NT5DC3: variants seen among roughly 807,000 people sequenced by gnomAD.
The protein encoded by NT5DC3 is 5'-nucleotidase domain-containing protein 3.
In NT5DC3, 42 loss-of-function variants were observed where a neutral mutation model predicts 67.8. The ratio of observed to expected loss-of-function variants is 0.62; its 90% CI spans 0.48 to 0.80. NT5DC3 has a LOEUF of 0.80. NT5DC3 is among the 30% of genes least tolerant of loss of function. The pLI is 0.00. For missense variants in NT5DC3, 570 were observed against 696.4 expected, an observed-to-expected ratio of 0.82 and a Z score of 2.04; for synonymous variants, 237 against 255.6, an observed-to-expected ratio of 0.93 and a Z score of 0.69.
chr12:103,748,600 A>C, the NT5DC3 span, among the ~76,000 whole-genome samples: 1 of 30,498 alleles, frequency 3.3e-5, no homozygotes, highest in African/African-American at 1.5e-4. Flanking sequence ...ACACACACAC[A>C]CACATACACA....
chr12:103,750,413 C>G, the NT5DC3 span, among the ~76,000 whole-genome samples: 3 of 152,192 alleles, frequency 2.0e-5, no homozygotes, highest in Admixed American at 6.5e-5. Flanking sequence ...TCATCATAAG[C>G]CTGCATAAAA....
chr12:103,778,472 A>G (rs1176731025), intron 13 of NT5DC3, among the ~76,000 whole-genome samples: 1 of 152,348 alleles, frequency 6.6e-6, no homozygotes, highest in East Asian at 1.9e-4. Flanking sequence ...CAGAGGGTGC[A>G]GTAAGCAGAG....
the NT5DC3 span, chr12:103,761,449 C>T: frequency 5.7e-6 from 9 of 1,567,588 alleles, no homozygotes; most frequent in Non-Finnish European, 7.9e-6. Context: ...CCAGGAGGAG[C>T]CCCGGTGCCC....
chr12:103,764,079 G>A, the NT5DC3 span, among the ~76,000 whole-genome samples: 791 of 151,710 alleles, frequency 5.2e-3, 9 homozygotes, highest in African/African-American at 0.018. Context: ...TCTGCCTCCC[G>A]AGTAGCTGGG....
chr12:103,799,015 G>T (rs11111790), intron 4 of NT5DC3, among the ~76,000 whole-genome samples: 21,384 of 152,102 alleles, frequency 0.14, 1,726 homozygotes, highest in Middle Eastern at 0.29. Context: ...TGAGGTAACT[G>T]AAGCAAAGAA....
intron 1 of NT5DC3, among the ~76,000 whole-genome samples, chr12:103,837,887 A>T (rs1309199082): frequency 6.6e-6 from 1 of 152,164 alleles, no homozygotes; most frequent in Non-Finnish European, 1.5e-5. Flanking sequence ...AGTCGCTTCC[A>T]CATTTTCAGG....
rs191346170 is a variant in NT5DC3, at chr12:103,819,128, G to C, written c.209-4007C>G. 1.4e-3 allele frequency among the ~76,000 whole-genome samples: 206 copies of C among 152,280 alleles called. 1 individual carries two copies. Among genetic ancestry groups the C allele is most frequent in the South Asian group, 0.011 (54 of 4,828 alleles). On this transcript the variant is annotated intron_variant, in intron 1 of 13. Transcript: ENST00000392876. Reference sequence around the variant, plus strand: ...GTGACTGGTCAGCACATCTCCAAAAGCTGCATGGGAATTCCCCTGTGGGAG... The same window carrying C: ...GTGACTGGTCAGCACATCTCCAAAACCTGCATGGGAATTCCCCTGTGGGAG...
the NT5DC3 span, chr12:103,763,504 A>G: frequency 2.5e-6 from 4 of 1,613,996 alleles, no homozygotes; most frequent in African/African-American, 1.3e-5. Context: ...GGAAGAGGAC[A>G]TTAATGTTGC....
intron 9 of NT5DC3, among the ~76,000 whole-genome samples, chr12:103,790,890 C>T (rs1039419764): frequency 2.0e-5 from 3 of 149,774 alleles, no homozygotes; most frequent in Admixed American, 6.7e-5. Flanking sequence ...GGGGTTTCAC[C>T]ATGTTAGCCA....
intron 11 of NT5DC3, among the ~76,000 whole-genome samples, chr12:103,785,941 T>A (rs1885754224): frequency 6.6e-6 from 1 of 151,786 alleles, no homozygotes; most frequent in African/African-American, 2.4e-5. Flanking sequence ...GATCACATTT[T>A]CCATTCCAAA....
At chr12:103,786,681 ATTT>A (rs3036176) in intron 11 of NT5DC3, among the ~76,000 whole-genome samples, 7 of 132,360 alleles carry the variant, frequency 5.3e-5, no homozygotes, top group African/African-American at 5.6e-5. Flanking sequence ...CACTGGTTTG[ATTT>A]TTTTTTTTTT....
intron 10 of NT5DC3, among the ~76,000 whole-genome samples, chr12:103,787,800 T>G (rs771387126): frequency 1.4e-4 from 21 of 152,232 alleles, no homozygotes; most frequent in Non-Finnish European, 2.5e-4. Context: ...CATGTAATGA[T>G]AGCAGCTGGG....
intron 4 of NT5DC3, 90 bp from the exon 5 acceptor site, chr12:103,798,767 AG>A: frequency 1.1e-6 from 1 of 904,648 alleles, no homozygotes; most frequent in Admixed American, 2.2e-5. Flanking sequence ...TTTTCAATTG[AG>A]GTGCAAGGCA....
chr12:103,760,959 C>T, the NT5DC3 span, among the ~76,000 whole-genome samples: 18 of 151,736 alleles, frequency 1.2e-4, no homozygotes, highest in East Asian at 2.5e-3. Context: ...CAGTGTGGTG[C>T]GATGTTCAGT....
chr12:103,803,685 A>T (rs1886675827), intron 4 of NT5DC3, among the ~76,000 whole-genome samples: 1 of 152,058 alleles, frequency 6.6e-6, no homozygotes, highest in South Asian at 2.1e-4. Flanking sequence ...TATGTCCATG[A>T]GTCCCCATCA....
chr12:103,789,851 C>T (rs918898304), intron 9 of NT5DC3, among the ~76,000 whole-genome samples: 1 of 152,088 alleles, frequency 6.6e-6, no homozygotes, highest in Non-Finnish European at 1.5e-5. Context: ...AATTGTAATA[C>T]AGAAAAATAC....
the NT5DC3 span, chr12:103,750,511 TG>T: frequency 6.3e-7 from 1 of 1,588,946 alleles, no homozygotes. Context: ...ATTGGTCCCA[TG>T]GGCACTTGGG....
intron 1 of NT5DC3, among the ~76,000 whole-genome samples, chr12:103,836,319 C>T (rs1703703600): frequency 1.3e-5 from 2 of 152,196 alleles, no homozygotes; most frequent in South Asian, 4.1e-4. Context: ...AAGTCCCTTC[C>T]GCCTATGAGC....
chr12:103,763,839 C>T, the NT5DC3 span: 7 of 419,516 alleles, frequency 1.7e-5, no homozygotes, highest in East Asian at 3.9e-5. Context: ...CAGAGACAGG[C>T]GAGAACAAGA....
Sources: allele counts gnomAD v4.1 joint callset (sites outside exome capture counted in the v4.1 genomes callset), GRCh38; gene constraint gnomAD v4.1.1; transcripts MANE v1.5; gene names NCBI Gene and HGNC (gene_info 2026-07-23, HGNC 2026-07-21).